Variants in NKIRAS1 observed in about 807,000 individuals in gnomAD.
The protein encoded by NKIRAS1 is NF-kappa-B inhibitor-interacting Ras-like protein 1.
In NKIRAS1, 16 loss-of-function variants were observed where a neutral mutation model predicts 19.8. The observed-to-expected ratio is 0.81, with a 90% CI of 0.55 to 1.23. The LOEUF is 1.23. Ranked by LOEUF, NKIRAS1 falls within the 50% of genes most tolerant of loss-of-function variation. The probability of loss-of-function intolerance (pLI) is 0.00; values close to 1 mark genes in which losing one functional copy is unlikely to be tolerated. For synonymous variants in NKIRAS1, 88 were observed against 79.0 expected (o/e 1.11, Z -0.61); for missense variants, 184 against 220.0 (o/e 0.84, Z 1.04).
intron 1 of NKIRAS1, among the ~76,000 whole-genome samples, chr3:23,915,136 A>G (rs1704205277): frequency 6.6e-6 from 1 of 152,238 alleles, no homozygotes; most frequent in African/African-American, 2.4e-5. Context: ...CGAAGATATT[A>G]TCCTGAATTA....
At chr3:23,907,117 C>A (rs113329001) in intron 3 of NKIRAS1, among the ~76,000 whole-genome samples, 2 of 152,168 alleles carry the variant, frequency 1.3e-5, no homozygotes, top group Non-Finnish European at 2.9e-5. Context: ...TGGTCTTGAA[C>A]TCCTGACTTC....
chr3:23,894,615 A>ACTGCATCCTCCAGCT (rs1559500693), intron 4 of NKIRAS1, among the ~76,000 whole-genome samples: 1 of 151,306 alleles, frequency 6.6e-6, no homozygotes, highest in African/African-American at 2.4e-5. Context: ...ACTAACCCCC[A>ACTGCATCCTCCAGCT]CTGCATCCTC....
Position 23,937,708 on chromosome 3 carries a change from A to C in NKIRAS1, c.-140+8615T>G, listed in dbSNP as rs1705420755. Among the ~76,000 whole-genome samples the C allele has an allele frequency of 2.0e-5, 3 of 152,254 alleles. No homozygotes were observed. The South Asian group carries it at 6.2e-4, about 32-fold the overall frequency. ...TTATTTTCTTTCTTACTTTTTAAAA[A>C]ATATCTGTTTAGTATGTTATTAAAT... is the stretch of plus-strand genomic sequence containing the variant. On this transcript the variant is annotated intron_variant, in intron 1 of 4. Transcript: ENST00000421515.
intron 4 of NKIRAS1, among the ~76,000 whole-genome samples, chr3:23,897,359 C>T (rs1260293011): frequency 2.0e-5 from 3 of 152,038 alleles, no homozygotes; most frequent in Non-Finnish European, 4.4e-5. Context: ...TGGTTGAGGA[C>T]AGCTGTGGGA....
upstream of NKIRAS1, chr3:23,917,742 T>C (rs1466522068): frequency 1.7e-6 from 2 of 1,163,952 alleles, no homozygotes; most frequent in East Asian, 5.0e-5. Flanking sequence ...AGAGCCATTT[T>C]CATTCCCGGC....
intron 4 of NKIRAS1, among the ~76,000 whole-genome samples, chr3:23,895,693 C>G (rs987685813): frequency 6.6e-5 from 10 of 152,276 alleles, no homozygotes; most frequent in Admixed American, 4.6e-4. Flanking sequence ...AACTGATGTT[C>G]TCCGGCAAAT....
Position 23,893,137 on chromosome 3 carries a change from C to A in NKIRAS1, c.537G>T (p.Leu179Phe). 1 of 1,586,832 alleles carries A rather than the reference C, an allele frequency of 6.3e-7. No individual in the cohort carries two copies. The highest frequency in any genetic ancestry group is 8.6e-7 in the Non-Finnish European group (1 of 1,169,118). The change falls in exon 5 of 5, where the codon TTG (leucine) becomes TTT (phenylalanine). Residue 179 changes from leucine (L) to phenylalanine (F), a missense_variant. By Grantham distance (22) the Leu-to-Phe change is conservative. Transcript: ENST00000425478. ...SQPQSKSSFPLPGRKNKGNSN... is the reference protein window; with the variant it reads ...SQPQSKSSFPFPGRKNKGNSN... ...AGTTCCCTTTGTTTTTCCTCCCAGG[C>A]AAAGGAAAGCTTGATTTGCTCTGGG...
upstream of NKIRAS1, chr3:23,919,141 C>G: frequency 8.2e-7 from 1 of 1,226,214 alleles, no homozygotes; most frequent in East Asian, 2.3e-5. Context: ...TTCTTTCTGA[C>G]TTGCTGCTAT....
intron 1 of NKIRAS1, among the ~76,000 whole-genome samples, chr3:23,936,669 C>T (rs1705399181): frequency 6.6e-6 from 1 of 152,174 alleles, no homozygotes; most frequent in Non-Finnish European, 1.5e-5. Context: ...GCCTCAGCCT[C>T]CTGAGTAGCT....
Position 23,893,200 on chromosome 3 carries a change from A to T in NKIRAS1, c.474T>A (p.Ile158=). ...EVTVTDRKTL[I]EPFTLLASKL... is the part of the protein sequence containing the mutation. ...TACTGGCTAATAAAGTGAATGGTTC[A>T]ATCAGAGTTTTCCGATCTGTAACAG... Residue 158 remains isoleucine (I), a synonymous_variant, in exon 5 of 5, where the codon ATT becomes ATA. Transcript: ENST00000425478. 6.2e-7 allele frequency: 1 copy of T among 1,614,074 alleles called. No homozygotes were observed. The highest frequency in any genetic ancestry group is 8.5e-7 in the Non-Finnish European group (1 of 1,179,980).
chr3:23,914,953 T>C (rs1279945924), intron 1 of NKIRAS1, among the ~76,000 whole-genome samples: 1 of 152,238 alleles, frequency 6.6e-6, no homozygotes, highest in African/African-American at 2.4e-5. Flanking sequence ...TTGAAATACA[T>C]ACAGGGCTGC....
intron 1 of NKIRAS1, chr3:23,916,379 C>T (rs1704431872): frequency 6.6e-6 from 1 of 152,214 alleles, no homozygotes; most frequent in African/African-American, 2.4e-5. Flanking sequence ...TTCACACCTG[C>T]CAAACAGGTC....
chr3:23,945,857 C>A (rs1705670327), intron 1 of NKIRAS1, among the ~76,000 whole-genome samples: 2 of 150,682 alleles, frequency 1.3e-5, no homozygotes. Context: ...CCGCGCGAGC[C>A]ACGTGCGCGC....
chr3:23,939,101 T>C (rs1470467125), intron 1 of NKIRAS1, among the ~76,000 whole-genome samples: 1 of 152,214 alleles, frequency 6.6e-6, no homozygotes, highest in South Asian at 2.1e-4. Flanking sequence ...CACTAAGTTA[T>C]GGGGTGATTT....
intron 1 of NKIRAS1, among the ~76,000 whole-genome samples, chr3:23,945,929 A>T (rs1235581734): frequency 6.8e-6 from 1 of 147,978 alleles, no homozygotes; most frequent in Non-Finnish European, 1.5e-5. Flanking sequence ...ACGCGGCATT[A>T]CATAATGGGC....
At chr3:23,918,143 G>A, upstream of NKIRAS1, 1 of 1,332,420 alleles carries the variant, frequency 7.5e-7, no homozygotes. Context: ...TAGGGCTTTG[G>A]CAGAAAAAAG....
intron 1 of NKIRAS1, chr3:23,946,098 G>A (rs573169528): frequency 3.0e-6 from 3 of 984,830 alleles, no homozygotes; most frequent in East Asian, 1.1e-4. Flanking sequence ...TGGAAGCCTC[G>A]GGGCAGTGAC....
upstream of NKIRAS1, chr3:23,920,758 C>T: frequency 1.0e-6 from 1 of 972,962 alleles, no homozygotes; most frequent in African/African-American, 1.8e-5. Flanking sequence ...TAAATTTCTT[C>T]ACAAAAAAAG....
intron 1 of NKIRAS1, 49 bp from the exon 2 acceptor site, chr3:23,911,499 T>G (rs1703726394): frequency 6.5e-6 from 1 of 152,730 alleles, no homozygotes; most frequent in Non-Finnish European, 1.5e-5. Context: ...GAATACATCT[T>G]TGTTTTCAAA....
Sources: gnomAD v4.1 joint callset for allele counts (sites outside exome capture counted in the v4.1 genomes callset) on GRCh38, gnomAD v4.1.1 for gene constraint, MANE v1.5 for transcripts, NCBI Gene and HGNC (gene_info 2026-07-23, HGNC 2026-07-21) for gene names.